Variants in DSCAM observed in about 807,000 individuals in gnomAD.
The protein encoded by DSCAM is cell adhesion molecule DSCAM.
A neutral mutation model predicts 217.7 loss-of-function variants in DSCAM; 47 were observed. The ratio of observed to expected loss-of-function variants is 0.22; its 90% CI spans 0.17 to 0.28. The LOEUF is 0.28. DSCAM is among the 10% of genes least tolerant of loss of function. The pLI, the probability that DSCAM is intolerant of heterozygous loss-of-function variation, is 1.00. For missense variants in DSCAM, 2,080 were observed against 2,618.3 expected, an observed-to-expected ratio of 0.79 and a Z score of 4.49; for synonymous variants, 1,056 against 1,015.3, an observed-to-expected ratio of 1.04 and a Z score of -0.76.
chr21:40,398,737 C>T (rs191889031), intron 3 of DSCAM, among the ~76,000 whole-genome samples: 190 of 150,218 alleles, frequency 1.3e-3, no homozygotes, highest in African/African-American at 4.0e-3. Flanking sequence ...TGGGTTCAAG[C>T]GATTCTACTG....
At position 40,296,094 on chromosome 21, in the gene DSCAM, C is replaced by T; in HGVS notation, c.2143G>A (p.Gly715Ser). 6.2e-7 allele frequency: 1 copy of T among 1,614,068 alleles called. No homozygotes were observed. Among genetic ancestry groups the T allele is most frequent in the Non-Finnish European group, 8.5e-7 (1 of 1,179,956 alleles). Residue 715 changes from glycine (G) to serine (S), a missense_variant, in exon 10 of 33, where the codon GGT (glycine) becomes AGT (serine). Gly to Ser is a moderately conservative substitution (Grantham distance 56). Around this residue, in one of 5 missense-constraint regions of DSCAM, gnomAD observed 218 missense variants for 364.1 expected, o/e 0.60. Coordinates refer to ENST00000400454, the MANE Select transcript of DSCAM (RefSeq NM_001389.5). Reference sequence around the variant, plus strand: ...CACACGATGGTAGGTACAGGGTAACCCTCAGCAGAACAATTGAGGATGACT... The same window carrying T: ...CACACGATGGTAGGTACAGGGTAACTCTCAGCAGAACAATTGAGGATGACT... ...KAVILNCSAE[G>S]YPVPTIVWKF...
At chr21:40,055,211 A>T in intron 29 of DSCAM, among the ~76,000 whole-genome samples, 1 of 152,162 alleles carries the variant, frequency 6.6e-6, no homozygotes, top group East Asian at 1.9e-4. Flanking sequence ...AAACAGCTGC[A>T]GGATGTTTCT....
At chr21:40,108,390 C>T (rs2089849239) in intron 20 of DSCAM, among the ~76,000 whole-genome samples, 1 of 152,126 alleles carries the variant, frequency 6.6e-6, no homozygotes, top group East Asian at 1.9e-4. Flanking sequence ...CAGGAATAAA[C>T]TCCCATTCAC....
At chr21:40,487,991 A>G (rs902919595) in intron 3 of DSCAM, among the ~76,000 whole-genome samples, 1 of 152,210 alleles carries the variant, frequency 6.6e-6, no homozygotes. Context: ...TCCCTGGGGT[A>G]TCTTATGAAA....
At position 40,149,749 on chromosome 21, in the gene DSCAM, A is replaced by T. The variant is rs889019929; in HGVS notation, c.3019-5018T>A. On this transcript the variant is annotated intron_variant, in intron 16 of 32. Transcript: ENST00000400454. ...CCAACACCAACACCACTGTCACAAC[A>T]TCCATCGCTCCATCACTATCCCAAC... 3.4e-5 allele frequency among the ~76,000 whole-genome samples: 5 copies of T among 148,128 alleles called. No individual in the cohort carries two copies. In the East Asian group the frequency reaches 1.0e-3, roughly 30 times the overall value.
chr21:40,487,324 TGTGAGAGAGAGAGA>T (rs1360872287), intron 3 of DSCAM, among the ~76,000 whole-genome samples: 2 of 76,114 alleles, frequency 2.6e-5, no homozygotes, highest in Non-Finnish European at 5.7e-5. Flanking sequence ...TGTGTGTGTG[TGTGAGAGAGAGAGA>T]GAGAGAGAGA....
intron 2 of DSCAM, among the ~76,000 whole-genome samples, chr21:40,699,516 T>A (rs1364840008): frequency 6.6e-6 from 1 of 152,230 alleles, no homozygotes; most frequent in Non-Finnish European, 1.5e-5. Flanking sequence ...TTAGCCGAGT[T>A]GTAAATGCAT....
intron 10 of DSCAM, among the ~76,000 whole-genome samples, chr21:40,279,228 A>C (rs1188659130): frequency 6.6e-6 from 1 of 152,244 alleles, no homozygotes; most frequent in Non-Finnish European, 1.5e-5. Flanking sequence ...AAGGACAACC[A>C]TTTTTATCCC....
rs138801280 is a variant in DSCAM, at chr21:40,211,466, T to A, written c.2357-22228A>T. The stretch of plus-strand genomic sequence containing the variant: ...GTTTTATGAGAAACTGCCAAAGAGT[T>A]TTCCAGAATGTCTGCACCATATTAC... On this transcript the variant is annotated intron_variant, in intron 11 of 32. Coordinates refer to ENST00000400454, the MANE Select transcript of DSCAM (RefSeq NM_001389.5). Among the ~76,000 whole-genome samples the A allele has an allele frequency of 1.5e-4, 23 of 152,338 alleles. No individual in the cohort carries two copies. The East Asian group carries it at 4.2e-3, about 28-fold the overall frequency.
chr21:40,077,077 TA>T (rs1396553677), intron 26 of DSCAM, among the ~76,000 whole-genome samples: 2 of 152,168 alleles, frequency 1.3e-5, no homozygotes, highest in African/African-American at 4.8e-5. Context: ...GTGAGGGCTA[TA>T]AAATTAGAAA....
chr21:40,022,938 T>C (rs1203136836), intron 32 of DSCAM, among the ~76,000 whole-genome samples: 1 of 152,098 alleles, frequency 6.6e-6, no homozygotes, highest in Non-Finnish European at 1.5e-5. Flanking sequence ...TAGTTACATA[T>C]GTATACATGT....
intron 5 of DSCAM, among the ~76,000 whole-genome samples, chr21:40,350,729 T>C (rs1055702700): frequency 2.6e-5 from 4 of 151,926 alleles, no homozygotes; most frequent in East Asian, 3.9e-4. Flanking sequence ...ATCACAGAGA[T>C]TGGGAACCAC....
intron 1 of DSCAM, among the ~76,000 whole-genome samples, chr21:40,781,573 A>T (rs1196389561): frequency 6.6e-6 from 1 of 152,184 alleles, no homozygotes; most frequent in Admixed American, 6.5e-5. Context: ...TATGCAGGTT[A>T]TATAGGGCTG....
chr21:40,846,723 C>G lies in DSCAM; in HGVS notation c.-62G>C. 1.2e-6 allele frequency: 1 copy of G among 865,566 alleles called. No individual in the cohort carries two copies. Among genetic ancestry groups the G allele is most frequent in the Non-Finnish European group, 1.4e-6 (1 of 705,688 alleles). The allele number at this position is 865,566 out of a possible 1,614,324, so 53.6% of individuals were successfully genotyped here. ...CCGGCCTCGCCCCCCGCGCTCCGCC[C>G]GGCCCGGCTCCGCTCGCCGCTCGGC... On this transcript the variant is annotated 5_prime_UTR_variant, in exon 1 of 33. Transcript: ENST00000400454.
At chr21:40,182,494 T>C (rs1242037738) in intron 14 of DSCAM, among the ~76,000 whole-genome samples, 1 of 150,984 alleles carries the variant, frequency 6.6e-6, no homozygotes, top group Non-Finnish European at 1.5e-5. Flanking sequence ...AGAGAAACTG[T>C]GGACAGGACG....
chr21:40,256,387 G>GGA (rs1161035798), intron 11 of DSCAM, among the ~76,000 whole-genome samples: 6 of 148,928 alleles, frequency 4.0e-5, no homozygotes, highest in Admixed American at 2.0e-4. Context: ...AGAACCAATA[G>GGA]GAGAGAGAGA....
intron 3 of DSCAM, among the ~76,000 whole-genome samples, chr21:40,529,021 A>C (rs2076422517): frequency 6.7e-6 from 1 of 149,190 alleles, no homozygotes; most frequent in Non-Finnish European, 1.5e-5. Flanking sequence ...CTCCTGCCTC[A>C]GCCTCCTGAG....
intron 3 of DSCAM, among the ~76,000 whole-genome samples, chr21:40,480,692 T>G (rs2075974779): frequency 6.6e-6 from 1 of 152,212 alleles, no homozygotes; most frequent in African/African-American, 2.4e-5. Flanking sequence ...TGCTGGACTG[T>G]CATATTAAAC....
At chr21:40,577,487 G>T (rs899868553) in intron 3 of DSCAM, among the ~76,000 whole-genome samples, 1 of 152,174 alleles carries the variant, frequency 6.6e-6, no homozygotes, top group Admixed American at 6.5e-5. Context: ...CCTTCCGGGG[G>T]AGCCCGGAGC....
Sources: allele counts gnomAD v4.1 joint callset (sites outside exome capture counted in the v4.1 genomes callset), GRCh38; gene constraint gnomAD v4.1.1; regional missense constraint gnomAD v4.1.1; transcripts MANE v1.5; gene names NCBI Gene and HGNC (gene_info 2026-07-23, HGNC 2026-07-21).